Variants in ANXA13 observed in about 807,000 individuals in gnomAD.
ANXA13 encodes the protein annexin A13.
Under a neutral mutation model 46.6 loss-of-function variants are expected in ANXA13, and 36 were observed. The ratio of observed to expected loss-of-function variants is 0.77; its 90% confidence interval spans 0.59 to 1.02. ANXA13 has a LOEUF of 1.02. ANXA13 is among the 50% of genes least tolerant of loss of function. The pLI is 0.00. For synonymous variants in ANXA13, 163 were observed against 152.9 expected, an observed-to-expected ratio of 1.07 and a Z score of -0.49; for missense variants, 417 against 396.5, an observed-to-expected ratio of 1.05 and a Z score of -0.44.
intron 1 of ANXA13, among the ~76,000 whole-genome samples, chr8:123,713,389 T>C (rs917363859): frequency 6.6e-6 from 1 of 152,246 alleles, no homozygotes; most frequent in African/African-American, 2.4e-5. Context: ...CAGTTACCTA[T>C]GTCTAAATAA....
chr8:123,731,159 G>A (rs563460098), intron 1 of ANXA13, among the ~76,000 whole-genome samples: 17 of 152,242 alleles, frequency 1.1e-4, no homozygotes, highest in South Asian at 2.1e-4. Flanking sequence ...GTAGATCTGG[G>A]GTGGGGCTCC....
At position 123,684,643 on chromosome 8, in the gene ANXA13, C is replaced by A; in HGVS notation, c.798G>T (p.Glu266Asp). The A allele has an allele frequency of 1.9e-6, 3 of 1,614,148 alleles. No homozygotes were observed. The highest frequency in any genetic ancestry group is 2.5e-6 in the Non-Finnish European group (3 of 1,179,988). The part of the protein sequence containing the change: ...KSMKGAGTDE[E>D]TLIRIVVTRA... ...TGGTCACGACTATGCGAATCAACGT[C>A]TCCTCATCGGTCCCCGCACCCTTCA... is the stretch of plus-strand genomic sequence containing the variant. The change falls in exon 10 of 11, where the codon GAG becomes GAT. Residue 266 changes from glutamate to aspartate, a missense_variant. Glu to Asp is a conservative substitution (Grantham distance 45). Transcript: ENST00000419625.
rs150872575 is a variant in ANXA13, at chr8:123,714,275, T to C, written c.16-1522A>G. On this transcript the variant is annotated intron_variant, in intron 1 of 10. Coordinates refer to ENST00000419625, the MANE Select transcript of ANXA13 (RefSeq NM_004306.4). ...AATGTAGGCACGTGTCCTGTGACTC[T>C]GGCAATCAGGATTGGTTCAGGAGTG... Among the ~76,000 whole-genome samples, 727 of 152,308 alleles carry C rather than the reference T, an allele frequency of 4.8e-3. 10 individuals are homozygous for C. The highest frequency in any genetic ancestry group is 0.017 in the African/African-American group (708 of 41,558).
chr8:123,713,143 A>T (rs1328645234), intron 1 of ANXA13, among the ~76,000 whole-genome samples: 1 of 152,216 alleles, frequency 6.6e-6, no homozygotes, highest in Admixed American at 6.5e-5. Flanking sequence ...ATGTCTAAGG[A>T]ATAGGTCAGA....
intron 1 of ANXA13, among the ~76,000 whole-genome samples, chr8:123,731,339 C>A (rs4871412): frequency 2.0e-5 from 3 of 152,044 alleles, no homozygotes; most frequent in Non-Finnish European, 2.9e-5. Flanking sequence ...CAGGGCCTTG[C>A]GCATGAATTG....
At chr8:123,721,450 G>A (rs1033942656) in intron 1 of ANXA13, among the ~76,000 whole-genome samples, 2 of 152,162 alleles carry the variant, frequency 1.3e-5, no homozygotes, top group African/African-American at 2.4e-5. Context: ...CGTATGGGTT[G>A]TTAGGAGAAT....
intron 1 of ANXA13, among the ~76,000 whole-genome samples, chr8:123,715,199 T>C (rs953730603): frequency 2.6e-5 from 4 of 152,184 alleles, no homozygotes; most frequent in Non-Finnish European, 5.9e-5. Flanking sequence ...TCCTCAAAAA[T>C]TACCAAGAAT....
intron 8 of ANXA13, among the ~76,000 whole-genome samples, chr8:123,689,397 G>A (rs1421915403): frequency 6.6e-6 from 1 of 151,726 alleles, no homozygotes; most frequent in Middle Eastern, 3.2e-3. Flanking sequence ...CATCTGACAT[G>A]CACCTCCATC....
chr8:123,726,619 G>A (rs932029252), intron 1 of ANXA13, among the ~76,000 whole-genome samples: 1 of 152,222 alleles, frequency 6.6e-6, no homozygotes, highest in Non-Finnish European at 1.5e-5. Context: ...CAGCCCAGCA[G>A]CCTTTTTACT....
chr8:123,709,470 C>G (rs565343845), intron 2 of ANXA13, among the ~76,000 whole-genome samples: 1 of 152,046 alleles, frequency 6.6e-6, no homozygotes, highest in African/African-American at 2.4e-5. Context: ...TTCCTCCCCC[C>G]ATTCTCTAGC....
rs1813681507 is a variant in ANXA13, at chr8:123,712,650, CA to C, written c.91+27del. 2.5e-6 allele frequency: 4 copies of C among 1,608,726 alleles called. No homozygotes were observed. In the East Asian group the frequency reaches 8.9e-5, roughly 36 times the overall value. On this transcript the variant is annotated intron_variant, in intron 2 of 10. Coordinates refer to ENST00000419625, the MANE Select transcript of ANXA13 (RefSeq NM_004306.4). ...GACCAAGTTTAATCAACTTCAGAAG[CA>C]AATTAGCAACAAAATATCTCTCATA...
chr8:123,714,820 C>T (rs1268898851), intron 1 of ANXA13, among the ~76,000 whole-genome samples: 2 of 152,188 alleles, frequency 1.3e-5, no homozygotes, highest in East Asian at 3.8e-4. Context: ...GTTTATAGAC[C>T]TTTCTTCATT....
chr8:123,735,669 A>G (rs1814245224), intron 1 of ANXA13: 7 of 1,434,246 alleles, frequency 4.9e-6, no homozygotes, highest in Non-Finnish European at 6.5e-6. Context: ...GGAGGGTCCA[A>G]CATGACAGAT....
chr8:123,695,549 C>T lies in ANXA13; in HGVS notation c.424G>A (p.Gly142Ser). The T allele has an allele frequency of 6.2e-7, 1 of 1,614,020 alleles. No individual in the cohort carries two copies. The highest frequency in any genetic ancestry group is 8.5e-7 in the Non-Finnish European group (1 of 1,180,008). ...FDRSLESDVK[G>S]DTSGNLKKIL... ...TTTTTTAGGTTTCCACTTGTATCAC[C>T]TTTGACATCTGATTCGAGGCTCCTA... The change falls in exon 6 of 11, where the codon GGT (glycine) becomes AGT (serine). Residue 142 changes from glycine (G) to serine (S), a missense_variant. Gly to Ser is a moderately conservative substitution (Grantham distance 56). Coordinates refer to ENST00000419625, the MANE Select transcript of ANXA13 (RefSeq NM_004306.4).
At chr8:123,711,703 C>A (rs1813662034) in intron 2 of ANXA13, 1 of 152,036 alleles carries the variant, frequency 6.6e-6, no homozygotes, top group Non-Finnish European at 1.5e-5. Flanking sequence ...CAACCTCTGA[C>A]TCCCTGGTTC....
intron 1 of ANXA13, among the ~76,000 whole-genome samples, chr8:123,720,076 T>G (rs1406486189): frequency 6.6e-6 from 1 of 152,220 alleles, no homozygotes; most frequent in Non-Finnish European, 1.5e-5. Flanking sequence ...GCATTTGGAC[T>G]GTTTAATATT....
rs1331770216 is a variant in ANXA13 at position 123,693,190 on chromosome 8, G to A, written c.642+7C>T. Reference sequence around the variant, plus strand: ...GAACTCTTTTGCCCCAATACTTTATGACTTACAATTTGATAGGCTTGAAAG... The same window carrying A: ...GAACTCTTTTGCCCCAATACTTTATAACTTACAATTTGATAGGCTTGAAAG... On this transcript the variant is annotated splice_region_variant and intron_variant, in intron 8 of 10. Coordinates refer to ENST00000419625, the MANE Select transcript of ANXA13 (RefSeq NM_004306.4). 3 of 1,612,590 alleles carry A rather than the reference G, an allele frequency of 1.9e-6. No individual in the cohort carries two copies. Among genetic ancestry groups the A allele is most frequent in the Non-Finnish European group, 1.7e-6 (2 of 1,178,784 alleles).
At chr8:123,691,232 T>A (rs969621849) in intron 8 of ANXA13, among the ~76,000 whole-genome samples, 4 of 152,178 alleles carry the variant, frequency 2.6e-5, no homozygotes, top group African/African-American at 9.7e-5. Context: ...GATCTCAGAC[T>A]AGCATCTCTG....
At chr8:123,688,096 G>A (rs1002868354) in intron 9 of ANXA13, among the ~76,000 whole-genome samples, 2 of 152,186 alleles carry the variant, frequency 1.3e-5, no homozygotes, top group Admixed American at 1.3e-4. Context: ...GTGTTAGTGG[G>A]TGATATGGTG....
Sources: gnomAD v4.1 joint callset for allele counts (sites outside exome capture counted in the v4.1 genomes callset) on GRCh38, gnomAD v4.1.1 for gene constraint, MANE v1.5 for transcripts, NCBI Gene and HGNC (gene_info 2026-07-23, HGNC 2026-07-21) for gene names.